Variants in EPHA10 observed in about 807,000 individuals in gnomAD.
EPHA10 encodes ephrin type-A receptor 10.
A neutral mutation model predicts 109.7 loss-of-function variants in EPHA10; 120 were observed. The ratio of observed to expected loss-of-function variants is 1.09; its 90% CI spans 0.94 to 1.27. The LOEUF (loss-of-function observed/expected upper bound fraction) is 1.27. Among genes scored for constraint, EPHA10 ranks in the 50% most tolerant of loss-of-function variants. The probability of loss-of-function intolerance (pLI) is 0.00; values close to 1 mark genes in which losing one functional copy is unlikely to be tolerated. For synonymous variants in EPHA10, 640 were observed against 618.9 expected (o/e 1.03, Z -0.51); for missense variants, 1,396 against 1,411.1 (o/e 0.99, Z 0.17).
At chr1:37,752,842 G>A in intron 5 of EPHA10, 34 bp downstream of exon 5, 1 of 1,234,544 alleles carries the variant, frequency 8.1e-7, no homozygotes. Context: ...GGCAGGCGCG[G>A]TGGCCTCGGG....
chr1:37,743,088 A>T (rs1646179686), intron 5 of EPHA10, among the ~76,000 whole-genome samples: 1 of 152,124 alleles, frequency 6.6e-6, no homozygotes, highest in African/African-American at 2.4e-5. Context: ...ACTAATTCAA[A>T]GGGCAATTCA....
At chr1:37,743,146 A>G (rs1646180708) in intron 5 of EPHA10, among the ~76,000 whole-genome samples, 1 of 152,188 alleles carries the variant, frequency 6.6e-6, no homozygotes, top group Non-Finnish European at 1.5e-5. Context: ...TTCCTTACTC[A>G]AGAACAAGTA....
chr1:37,748,057 A>G (rs962397892), intron 5 of EPHA10, among the ~76,000 whole-genome samples: 3 of 152,220 alleles, frequency 2.0e-5, no homozygotes. Context: ...ACGTTACAGT[A>G]AAGATTAAAA....
chr1:37,743,855 A>G (rs546320629), intron 5 of EPHA10, among the ~76,000 whole-genome samples: 2 of 152,320 alleles, frequency 1.3e-5, no homozygotes, highest in South Asian at 2.1e-4. Context: ...ATGGGACATA[A>G]GCCCGTCATT....
rs201601326 is a variant in EPHA10, at chr1:37,720,342, C to T, written c.2412+9G>A. 139 of 1,582,238 alleles carry T rather than the reference C, an allele frequency of 8.8e-5. No individual in the cohort carries two copies. The highest frequency in any genetic ancestry group is 1.1e-4 in the Non-Finnish European group (131 of 1,165,182). On this transcript the variant is annotated intron_variant, in intron 13 of 16. Coordinates refer to ENST00000373048, the MANE Select transcript of EPHA10 (RefSeq NM_001099439.2). ...AGGCACAGGCAGGCTTGGCTGGGGG[C>T]GCCCTCACCATAGTGGTGTAGACAG...
At chr1:37,723,268 AGGGT>A (rs1645831546) in intron 9 of EPHA10, 39 bp downstream of exon 9, 2 of 1,610,252 alleles carry the variant, frequency 1.2e-6, no homozygotes, top group Non-Finnish European at 1.7e-6. Context: ...GGAGTGAGGC[AGGGT>A]GGAGCCCGCC....
chr1:37,716,233 T>TACCA lies in EPHA10; in HGVS notation c.*2138_*2139insTGGT. On this transcript the variant is annotated 3_prime_UTR_variant, in exon 17 of 17. Transcript: ENST00000373048. ...ACCCAACAGGATTCTGGGACCTCAC[T>TACCA]CCTCAGTGGAGGGGAGATCTACCCT... 3.5e-6 allele frequency: 1 copy of TACCA among 288,540 alleles called. No individual in the cohort carries two copies. The highest frequency in any genetic ancestry group is 5.5e-5 in the South Asian group (1 of 18,216). 17.9% of individuals were successfully genotyped at this position (288,540 alleles called of 1,614,324 possible). A position where few individuals can be genotyped will look rare whatever the true frequency, so the allele number is the denominator to read the frequency against.
intron 15 of EPHA10, chr1:37,719,142 A>G: frequency 3.4e-6 from 2 of 593,248 alleles, no homozygotes; most frequent in Non-Finnish European, 6.0e-6. Flanking sequence ...TGGAACTACA[A>G]ATGTGTTAGG....
rs779724541 is a variant in EPHA10 at position 37,727,191 on chromosome 1, G to A, written c.1683C>T (p.Asp561=). 1.9e-6 allele frequency: 3 copies of A among 1,608,650 alleles called. No homozygotes were observed. The highest frequency in any genetic ancestry group is 4.5e-5 in the East Asian group (2 of 44,532). ...TLGEAASGSR[D]QSPAIVVTVV... is the part of the protein sequence containing the mutation. ...CGGTGACGACAATGGCGGGGCTCTG[G>A]TCCCTGGACCCTGAGGCAGCTGGGA... The change falls in exon 8 of 17, where the codon GAC becomes GAT. Residue 561 remains aspartate (D), a synonymous_variant. Transcript: ENST00000373048.
chr1:37,723,272 T>C (rs755957204), intron 9 of EPHA10, 39 bp downstream of exon 9: 1 of 1,610,118 alleles, frequency 6.2e-7, no homozygotes, highest in South Asian at 1.1e-5. Context: ...TGAGGCAGGG[T>C]GGAGCCCGCC....
At position 37,723,093 on chromosome 1, in the gene EPHA10, G is replaced by A. The variant is rs375035003; in HGVS notation, c.1908C>T (p.Phe636=). 24 of 1,614,102 alleles carry A rather than the reference G, an allele frequency of 1.5e-5. No homozygotes were observed. The highest frequency in any genetic ancestry group is 9.9e-5 in the South Asian group (9 of 91,090). ...CGCTTTTCGCATCCAGTTCCTTGGCGAACAGATGCACAGCCTGCAGCAGGT... is the reference window on the plus strand; with the variant it reads ...CGCTTTTCGCATCCAGTTCCTTGGCAAACAGATGCACAGCCTGCAGCAGGT... The part of the protein sequence containing the change: ...CGDLLQAVHL[F]AKELDAKSVT... Residue 636 remains phenylalanine (F), a synonymous_variant, in exon 10 of 17, where the codon TTC becomes TTT. Transcript: ENST00000373048.
At chr1:37,738,527 A>G (rs937705942) in intron 5 of EPHA10, among the ~76,000 whole-genome samples, 1 of 152,222 alleles carries the variant, frequency 6.6e-6, no homozygotes, top group African/African-American at 2.4e-5. Context: ...TGGCAAGGAC[A>G]TGAAAAAATT....
rs1646366133 is a variant in EPHA10, at chr1:37,753,744, C to T, written c.1006+471G>A. Among the ~76,000 whole-genome samples the T allele has an allele frequency of 2.7e-5, 4 of 148,602 alleles. No individual in the cohort carries two copies. In the South Asian group the frequency reaches 8.6e-4, roughly 32 times the overall value. On this transcript the variant is annotated intron_variant, in intron 4 of 16. Coordinates refer to ENST00000373048, the MANE Select transcript of EPHA10 (RefSeq NM_001099439.2). ...GGGGCGAGCGGGAGGAGGGGCTTGC[C>T]CCGGGAAGGGTCAGAGACGGGGGCG... is the stretch of plus-strand genomic sequence containing the variant.
rs1195183315 is a variant in EPHA10, at chr1:37,752,970, G to A, written c.1263C>T (p.Tyr421=). The change falls in exon 5 of 17, where the codon TAC becomes TAT. Residue 421 remains tyrosine, a synonymous_variant. Transcript: ENST00000373048. The stretch of plus-strand genomic sequence containing the variant: ...CGTTGAGCGCGGCCACGCGCACGGT[G>A]TAGCGCGCGCCGGGCCGCAGGTGCA... ...TLLHLRPGAR[Y]TVRVAALNGV... is the part of the protein sequence containing the mutation. 1.6e-6 allele frequency: 2 copies of A among 1,265,854 alleles called. No homozygotes were observed. The highest frequency in any genetic ancestry group is 2.0e-6 in the Non-Finnish European group (2 of 1,008,222). The allele number at this position is 1,265,854 out of a possible 1,614,324, so 78.4% of individuals were successfully genotyped here.
intron 4 of EPHA10, 64 bp from the exon 5 acceptor site, chr1:37,753,290 G>T: frequency 4.1e-6 from 1 of 245,288 alleles, no homozygotes; most frequent in Non-Finnish European, 6.7e-6. Flanking sequence ...GGGGCGGGAT[G>T]CACGAGGGGG....
intron 3 of EPHA10, chr1:37,761,171 A>G: frequency 7.0e-7 from 1 of 1,429,798 alleles, no homozygotes. Flanking sequence ...CCTAAGATAT[A>G]GATCCCTAAT....
intron 2 of EPHA10, 95 bp downstream of exon 2, chr1:37,762,690 G>C: frequency 8.8e-7 from 1 of 1,132,650 alleles, no homozygotes; most frequent in East Asian, 3.0e-5. Flanking sequence ...ACTCTGAGGA[G>C]CACTTTTGTC....
chr1:37,735,637 G>A (rs1318000605), intron 5 of EPHA10, among the ~76,000 whole-genome samples: 3 of 152,010 alleles, frequency 2.0e-5, no homozygotes, highest in Admixed American at 2.0e-4. Context: ...CCCATAGAGG[G>A]AAAAGCATTA....
At chr1:37,749,430 T>C (rs1452045552) in intron 5 of EPHA10, among the ~76,000 whole-genome samples, 1 of 151,872 alleles carries the variant, frequency 6.6e-6, no homozygotes, top group Non-Finnish European at 1.5e-5. Context: ...CCCAGCACTT[T>C]GGGAGGCTGA....
Sources: allele counts gnomAD v4.1 joint callset (sites outside exome capture counted in the v4.1 genomes callset), GRCh38; gene constraint gnomAD v4.1.1; transcripts MANE v1.5; gene names NCBI Gene and HGNC (gene_info 2026-07-23, HGNC 2026-07-21).